GRM7: variants seen among roughly 807,000 people sequenced by gnomAD.
GRM7 encodes glutamate metabotropic receptor 7, also known as metabotropic glutamate receptor 7.
A neutral mutation model predicts 84.5 loss-of-function variants in GRM7; 35 were observed. That is an observed-to-expected ratio of 0.41 (90% CI 0.32 to 0.55). The LOEUF (loss-of-function observed/expected upper bound fraction) is 0.55, where lower values mean the gene tolerates loss of function less well. GRM7 is among the 20% of genes least tolerant of loss of function. GRM7 has a pLI of 0.19. For synonymous variants in GRM7, 487 were observed against 455.1 expected (o/e 1.07, Z -0.89); for missense variants, 1,003 against 1,194.6 (o/e 0.84, Z 2.36).
rs111357554 is a variant in GRM7, at chr3:7,139,980, T to C, written c.520-6472T>C. Among the ~76,000 whole-genome samples the C allele has an allele frequency of 1.4e-3, 208 of 151,808 alleles. 2 individuals carry two copies. The highest frequency in any genetic ancestry group is 4.2e-3 in the African/African-American group (176 of 41,448). ...CACAAATCAAAATCAGGAAAACAAC[T>C]CAATTAAAAAATGGGGAAAAGATCT... On this transcript the variant is annotated intron_variant, in intron 1 of 9. Transcript: ENST00000357716.
At chr3:6,870,178 A>G (rs1695074833) in intron 1 of GRM7, among the ~76,000 whole-genome samples, 1 of 152,218 alleles carries the variant, frequency 6.6e-6, no homozygotes, top group East Asian at 1.9e-4. Flanking sequence ...GATAAGGAAA[A>G]GAATGTGGAA....
chr3:7,720,020 A>G (rs1267598331), intron 9 of GRM7, among the ~76,000 whole-genome samples: 5 of 152,168 alleles, frequency 3.3e-5, no homozygotes, highest in Non-Finnish European at 5.9e-5. Flanking sequence ...TCATAATAAG[A>G]GTATATTCTT....
chr3:7,638,803 C>A lies in GRM7; in HGVS notation c.2452-41246C>A, dbSNP rs922130517. On this transcript the variant is annotated intron_variant, in intron 8 of 9. Transcript: ENST00000357716. ...GAAACGAAGACACCACTACTGTGTG[C>A]TCCCTGCATTAGTTGTATCTAAAGG... Among the ~76,000 whole-genome samples, 3 of 152,196 alleles carry A rather than the reference C, an allele frequency of 2.0e-5. No homozygotes were observed. In the East Asian group the frequency reaches 5.8e-4, roughly 29 times the overall value.
At chr3:7,569,743 C>T (rs1694545250) in intron 7 of GRM7, among the ~76,000 whole-genome samples, 1 of 152,100 alleles carries the variant, frequency 6.6e-6, no homozygotes, top group Non-Finnish European at 1.5e-5. Flanking sequence ...GGAACAACTC[C>T]AGACACACCA....
At chr3:7,367,549 T>C (rs1198082264) in intron 4 of GRM7, among the ~76,000 whole-genome samples, 1 of 151,954 alleles carries the variant, frequency 6.6e-6, no homozygotes, top group Non-Finnish European at 1.5e-5. Context: ...TCCCTTTTCC[T>C]CTTATTTTCT....
At chr3:6,935,477 A>G (rs1697654383) in intron 1 of GRM7, among the ~76,000 whole-genome samples, 1 of 151,894 alleles carries the variant, frequency 6.6e-6, no homozygotes, top group African/African-American at 2.4e-5. Context: ...TAGTATTTTA[A>G]TATATATTCT....
At chr3:7,190,798 A>G (rs1695685501) in intron 2 of GRM7, among the ~76,000 whole-genome samples, 1 of 152,086 alleles carries the variant, frequency 6.6e-6, no homozygotes, top group African/African-American at 2.4e-5. Context: ...TTGAGTTGTT[A>G]GACAGGGAGA....
intron 7 of GRM7, among the ~76,000 whole-genome samples, chr3:7,568,603 G>A (rs147914463): frequency 0.12 from 17,971 of 152,250 alleles, 1,221 homozygotes; most frequent in Middle Eastern, 0.27. Context: ...TGGAGGGAGA[G>A]GCGCAAGCGG....
At chr3:7,470,846 AC>A (rs1389568736) in intron 7 of GRM7, among the ~76,000 whole-genome samples, 4 of 152,122 alleles carry the variant, frequency 2.6e-5, no homozygotes, top group African/African-American at 9.7e-5. Context: ...GATCTGCCTA[AC>A]TTTTTTGCTT....
chr3:7,146,345 C>A (rs1418702581), intron 1 of GRM7, 107 bp from the exon 2 acceptor site: 6 of 845,786 alleles, frequency 7.1e-6, no homozygotes, highest in Non-Finnish European at 1.2e-5. Flanking sequence ...AAACATGTAT[C>A]TCCTTTGCAG....
chr3:7,003,028 C>A (rs1695068828), intron 1 of GRM7, among the ~76,000 whole-genome samples: 1 of 152,000 alleles, frequency 6.6e-6, no homozygotes, highest in African/African-American at 2.4e-5. Flanking sequence ...TATGTTGAAG[C>A]TGAAAAAAGC....
At chr3:6,962,093 C>T (rs765956555) in intron 1 of GRM7, among the ~76,000 whole-genome samples, 5 of 152,140 alleles carry the variant, frequency 3.3e-5, no homozygotes, top group Non-Finnish European at 7.3e-5. Flanking sequence ...TTTTATGGTA[C>T]GTCCTCATTC....
At chr3:7,727,750 C>T (rs1350883504) in intron 9 of GRM7, among the ~76,000 whole-genome samples, 1 of 152,206 alleles carries the variant, frequency 6.6e-6, no homozygotes, top group Non-Finnish European at 1.5e-5. Context: ...CCCCAGCAAC[C>T]TGTGCTTAAA....
chr3:6,877,669 T>C (rs1359187078), intron 1 of GRM7, among the ~76,000 whole-genome samples: 1 of 152,104 alleles, frequency 6.6e-6, no homozygotes, highest in Non-Finnish European at 1.5e-5. Flanking sequence ...CTTGTATGAG[T>C]AGAAAATGGT....
In GRM7 at chr3:7,405,429, A is replaced by G. The variant is rs1023841371; in HGVS notation, c.1034-9594A>G. ...TGATACACATTATATGTAGTGATCAATCAGTAATTAGCATATTCATCCACT... is the reference window on the plus strand; with the variant it reads ...TGATACACATTATATGTAGTGATCAGTCAGTAATTAGCATATTCATCCACT... On this transcript the variant is annotated intron_variant, in intron 4 of 9. Transcript: ENST00000357716. Among the ~76,000 whole-genome samples, 6 of 152,298 alleles carry G rather than the reference A, an allele frequency of 3.9e-5. No individual in the cohort carries two copies. The East Asian group carries it at 9.6e-4, about 24-fold the overall frequency.
intron 7 of GRM7, among the ~76,000 whole-genome samples, chr3:7,467,003 T>C (rs779570566): frequency 1.5e-4 from 23 of 152,236 alleles, no homozygotes; most frequent in Admixed American, 2.6e-4. Flanking sequence ...TATAAAATCA[T>C]GTATAATGAA....
At chr3:7,444,924 A>G (rs764674514) in intron 5 of GRM7, among the ~76,000 whole-genome samples, 1 of 152,190 alleles carries the variant, frequency 6.6e-6, no homozygotes, top group Non-Finnish European at 1.5e-5. Context: ...AGCACTCAGT[A>G]CTTCTGCAGA....
In GRM7 at chr3:7,151,221, G is replaced by GT. The variant is rs1274429812; in HGVS notation, c.736+4559dup. 6.6e-6 allele frequency among the ~76,000 whole-genome samples: 1 copy of GT among 152,022 alleles called. No individual in the cohort carries two copies. Among genetic ancestry groups the GT allele is most frequent in the Non-Finnish European group, 1.5e-5 (1 of 68,000 alleles). On this transcript the variant is annotated intron_variant, in intron 2 of 9. Transcript: ENST00000357716. This position sits in a 1 kb window ranked among gnomAD's most constrained non-coding sequence, Gnocchi z 4.5. ...GTTATTAACTGTTATTCAGCCTTCA[G>GT]TTTTTTAGACCTCAAGCTCTACTAA...
chr3:6,988,301 G>A (rs564394482), intron 1 of GRM7, among the ~76,000 whole-genome samples: 1 of 149,896 alleles, frequency 6.7e-6, no homozygotes, highest in African/African-American at 2.5e-5. Context: ...GATCCACTGC[G>A]CCCAGCCCAC....
Sources: gnomAD v4.1 joint callset for allele counts (sites outside exome capture counted in the v4.1 genomes callset) on GRCh38, gnomAD v4.1.1 for gene constraint, Gnocchi (gnomAD v3.1) non-coding constraint, MANE v1.5 for transcripts, NCBI Gene and HGNC (gene_info 2026-07-23, HGNC 2026-07-21) for gene names.